The following KIAA1217 variants were observed in gnomAD, a reference collection of about 807,000 sequenced individuals.
The protein encoded by KIAA1217 is KIAA1217.
Under a neutral mutation model 163.9 loss-of-function variants are expected in KIAA1217, and 88 were observed. That is an observed-to-expected ratio of 0.54 (90% CI 0.45 to 0.64). KIAA1217 has a LOEUF of 0.64. Ranked by LOEUF, KIAA1217 falls within the 30% of genes least tolerant of loss-of-function variation. The pLI is 0.00. For missense variants in KIAA1217, 2,372 were observed against 2,475.0 expected, an observed-to-expected ratio of 0.96 and a Z score of 0.88; for synonymous variants, 903 against 923.1, an observed-to-expected ratio of 0.98 and a Z score of 0.39.
chr10:24,438,565 C>A, intron 5 of KIAA1217, 86 bp downstream of exon 5: 1 of 884,332 alleles, frequency 1.1e-6, no homozygotes, highest in South Asian at 1.4e-5. Context: ...AATCAGAACT[C>A]TACAACTGAG....
intron 6 of KIAA1217, among the ~76,000 whole-genome samples, chr10:24,484,241 A>ATATATATATATTTTT (rs1376083298): frequency 1.3e-5 from 1 of 75,144 alleles, no homozygotes; most frequent in Admixed American, 1.8e-4. Context: ...ATATATATAT[A>ATATATATATATTTTT]TTTTTTTTTT....
intron 2 of KIAA1217, among the ~76,000 whole-genome samples, chr10:24,356,412 G>T (rs1284685311): frequency 2.6e-5 from 4 of 152,160 alleles, no homozygotes; most frequent in African/African-American, 9.6e-5. Flanking sequence ...TTAGAGATTT[G>T]CAAAAAGCAC....
chr10:24,255,383 G>C (rs1011243879), intron 2 of KIAA1217: 4 of 335,080 alleles, frequency 1.2e-5, no homozygotes, highest in South Asian at 4.5e-5. Flanking sequence ...TGCTTGCTGG[G>C]AGAATGGACG....
intron 2 of KIAA1217, among the ~76,000 whole-genome samples, chr10:24,234,095 A>T (rs988530914): frequency 6.6e-6 from 1 of 152,136 alleles, no homozygotes; most frequent in Non-Finnish European, 1.5e-5. Flanking sequence ...TTTTTGTATT[A>T]ATACAGGTTG....
At position 24,062,530 on chromosome 10, in the gene KIAA1217, G is replaced by C. The variant is rs567083054; in HGVS notation, c.-171+55156G>C. ...ATATGTGCCACATTTTCTTAATCCAGTCTATCATTGTTGGACATTTGGGTT... is the reference window on the plus strand; with the variant it reads ...ATATGTGCCACATTTTCTTAATCCACTCTATCATTGTTGGACATTTGGGTT... On this transcript the variant is annotated intron_variant, in intron 2 of 18. Transcript: ENST00000376462. Among the ~76,000 whole-genome samples the C allele has an allele frequency of 1.2e-3, 174 of 151,010 alleles. 2 individuals carry two copies. The East Asian group carries it at 0.019, about 16-fold the overall frequency.
chr10:24,510,354 C>T (rs531961654), intron 9 of KIAA1217, among the ~76,000 whole-genome samples: 58 of 152,256 alleles, frequency 3.8e-4, no homozygotes, highest in East Asian at 7.7e-4. Context: ...CCCAGATTTA[C>T]GTAAGCTTGT....
chr10:23,988,543 T>C (rs944963816), intron 1 of KIAA1217, among the ~76,000 whole-genome samples: 1 of 152,160 alleles, frequency 6.6e-6, no homozygotes, highest in African/African-American at 2.4e-5. Flanking sequence ...ACTTTGTGGT[T>C]GGAGCATCAG....
Position 23,701,798 on chromosome 10 carries a change from G to A in KIAA1217, c.-321+6564G>A, listed in dbSNP as rs1588624172. On this transcript the variant is annotated intron_variant, in intron 1 of 18. Coordinates refer to the KIAA1217 transcript ENST00000376462. Reference sequence around the variant, plus strand: ...CCAGGACATTGTGAGCAGATATTGCGTGTACGTGTTAAAGTTTAGTACCTT... The same window carrying A: ...CCAGGACATTGTGAGCAGATATTGCATGTACGTGTTAAAGTTTAGTACCTT... 2.6e-5 allele frequency among the ~76,000 whole-genome samples: 4 copies of A among 152,136 alleles called. No individual in the cohort carries two copies. In the South Asian group the frequency reaches 6.2e-4, roughly 24 times the overall value.
intron 2 of KIAA1217, among the ~76,000 whole-genome samples, chr10:24,038,027 A>G (rs1449767242): frequency 6.6e-6 from 1 of 152,222 alleles, no homozygotes; most frequent in Non-Finnish European, 1.5e-5. Flanking sequence ...ACAAATTAAT[A>G]AAACCTCTCT....
At chr10:23,902,968 A>T (rs980018174) in intron 1 of KIAA1217, among the ~76,000 whole-genome samples, 1 of 152,112 alleles carries the variant, frequency 6.6e-6, no homozygotes, top group African/African-American at 2.4e-5. Context: ...GACAGGCAGG[A>T]TCCTAAGCAG....
At chr10:23,733,995 C>T (rs1402623127) in intron 1 of KIAA1217, among the ~76,000 whole-genome samples, 1 of 152,076 alleles carries the variant, frequency 6.6e-6, no homozygotes, top group East Asian at 1.9e-4. Flanking sequence ...AGGAAAAACA[C>T]ATTTTTTCTT....
chr10:24,213,973 A>T (rs1395728849), intron 1 of KIAA1217, among the ~76,000 whole-genome samples: 4 of 142,294 alleles, frequency 2.8e-5, no homozygotes, highest in Non-Finnish European at 6.1e-5. Flanking sequence ...CAACATAGTG[A>T]GACCCCATCT....
chr10:24,410,895 C>G (rs2057711639), intron 3 of KIAA1217, among the ~76,000 whole-genome samples: 1 of 152,140 alleles, frequency 6.6e-6, no homozygotes, highest in East Asian at 1.9e-4. Context: ...CTAAAATAAT[C>G]TGTTTCTCAC....
intron 1 of KIAA1217, among the ~76,000 whole-genome samples, chr10:23,750,541 C>A (rs942210141): frequency 2.0e-5 from 3 of 152,140 alleles, no homozygotes; most frequent in African/African-American, 7.2e-5. Context: ...CATGCACAGT[C>A]CTTTCTTTCA....
chr10:23,997,068 C>T (rs1036646160), intron 1 of KIAA1217, among the ~76,000 whole-genome samples: 7 of 152,190 alleles, frequency 4.6e-5, no homozygotes, highest in African/African-American at 9.7e-5. Context: ...TAACCTGTTT[C>T]GAAGGTGATT....
chr10:23,960,390 C>T (rs949970730), intron 1 of KIAA1217, among the ~76,000 whole-genome samples: 10 of 151,874 alleles, frequency 6.6e-5, no homozygotes, highest in African/African-American at 1.2e-4. Flanking sequence ...CCTGAGTAGC[C>T]GGGATTACAG....
At chr10:23,838,709 C>T (rs1209778209) in intron 1 of KIAA1217, among the ~76,000 whole-genome samples, 2 of 152,202 alleles carry the variant, frequency 1.3e-5, no homozygotes, top group African/African-American at 2.4e-5. Flanking sequence ...GATCCACCCA[C>T]CTGAGCCTCC....
chr10:24,453,979 A>G (rs960466412), intron 5 of KIAA1217, among the ~76,000 whole-genome samples: 1 of 152,208 alleles, frequency 6.6e-6, no homozygotes, highest in Non-Finnish European at 1.5e-5. Context: ...TTGTTAATGT[A>G]TGAAGTATAA....
At chr10:24,493,547 G>A (rs2066411933) in intron 6 of KIAA1217, among the ~76,000 whole-genome samples, 1 of 152,214 alleles carries the variant, frequency 6.6e-6, no homozygotes, top group Admixed American at 6.5e-5. Context: ...CTAGAAATGT[G>A]AGTCTATTTC....
Sources: allele counts gnomAD v4.1 joint callset (sites outside exome capture counted in the v4.1 genomes callset), GRCh38; gene constraint gnomAD v4.1.1; transcripts MANE v1.5; gene names NCBI Gene and HGNC (gene_info 2026-07-23, HGNC 2026-07-21).